OSBP2: variants seen among roughly 807,000 people sequenced by gnomAD.
OSBP2 encodes the protein oxysterol binding protein 2.
OSBP2 carries 66 observed loss-of-function variants against 96.0 expected under a neutral mutation model. That is an observed-to-expected ratio of 0.69 (90% CI 0.56 to 0.84). The LOEUF is 0.84. Ranked by LOEUF, OSBP2 falls within the 40% of genes least tolerant of loss-of-function variation. The pLI is 0.00. For missense variants in OSBP2, 1,038 were observed against 1,222.7 expected, an observed-to-expected ratio of 0.85 and a Z score of 2.25; for synonymous variants, 525 against 520.9, an observed-to-expected ratio of 1.01 and a Z score of -0.11.
At chr22:30,843,651 C>G (rs914202805) in intron 2 of OSBP2, among the ~76,000 whole-genome samples, 2 of 152,040 alleles carry the variant, frequency 1.3e-5, no homozygotes, top group African/African-American at 4.8e-5. Context: ...ATCACTTGAG[C>G]TCAGGAGTTT....
At chr22:30,904,228 C>T (rs2040279888) in intron 12 of OSBP2, among the ~76,000 whole-genome samples, 1 of 152,218 alleles carries the variant, frequency 6.6e-6, no homozygotes, top group Non-Finnish European at 1.5e-5. Context: ...CAGCTGTCAT[C>T]CTTGGCTTCT....
chr22:30,748,923 G>A (rs1246245126), intron 2 of OSBP2, among the ~76,000 whole-genome samples: 5 of 152,158 alleles, frequency 3.3e-5, no homozygotes, highest in African/African-American at 9.7e-5. Flanking sequence ...CGAGATCAGC[G>A]TGGCCAACAT....
chr22:30,840,305 TA>T (rs71202016), intron 2 of OSBP2, among the ~76,000 whole-genome samples: 34,122 of 140,700 alleles, frequency 0.24, 4,174 homozygotes, highest in East Asian at 0.39. Flanking sequence ...ATAAACCTGT[TA>T]AAAAAAAAAA....
rs538272578 is a variant in OSBP2, at chr22:30,903,295, G to T, written c.2376-2542G>T. 2.5e-4 allele frequency among the ~76,000 whole-genome samples: 38 copies of T among 152,342 alleles called. 1 individual carries two copies. In the South Asian group the frequency reaches 7.7e-3, roughly 31 times the overall value. Reference sequence around the variant, plus strand: ...TCACTGACAGACTGAACTGCACCTTGTTGGTATTCAGCTGTGATGGACATA... The same window carrying T: ...TCACTGACAGACTGAACTGCACCTTTTTGGTATTCAGCTGTGATGGACATA... On this transcript the variant is annotated intron_variant, in intron 12 of 13. Coordinates refer to ENST00000332585, the MANE Select transcript of OSBP2 (RefSeq NM_030758.4).
chr22:30,820,405 T>A (rs1018803472), intron 2 of OSBP2, among the ~76,000 whole-genome samples: 3 of 151,676 alleles, frequency 2.0e-5, no homozygotes, highest in East Asian at 3.9e-4. Context: ...AAAAATAAAA[T>A]TTTAAAAATA....
At chr22:30,899,312 A>G (rs2040140345) in intron 12 of OSBP2, among the ~76,000 whole-genome samples, 1 of 151,610 alleles carries the variant, frequency 6.6e-6, no homozygotes, top group East Asian at 1.9e-4. Context: ...AGGCTGAGGC[A>G]GGAAGGTTAC....
Position 30,890,973 on chromosome 22 carries a change from G to A in OSBP2, c.1869G>A (p.Gln623=). The change falls in exon 8 of 14, where the codon CAG becomes CAA. Residue 623 remains glutamine, a splice_region_variant and synonymous_variant. Transcript: ENST00000332585. The surrounding 1 kb of genome is among the most constrained non-coding windows in gnomAD (Gnocchi z 4.4). ...DDMGLRSLCE[Q]VSHHPPSAAH... ...TGGGCCTGCGCTCCCTCTGTGAGCA[G>A]GTGAGGGGGCTAGGCTGGCACTGGG... 1.2e-6 allele frequency: 2 copies of A among 1,605,634 alleles called. No homozygotes were observed. Among genetic ancestry groups the A allele is most frequent in the Non-Finnish European group, 1.7e-6 (2 of 1,179,620 alleles).
intron 4 of OSBP2, among the ~76,000 whole-genome samples, 199 bp from the exon 5 acceptor site, chr22:30,888,024 G>A (rs936191643): frequency 1.3e-5 from 2 of 152,190 alleles, no homozygotes; most frequent in African/African-American, 4.8e-5. Flanking sequence ...CTCCTGTGCG[G>A]TGAATGCGTT....
intron 1 of OSBP2, among the ~76,000 whole-genome samples, chr22:30,726,183 G>C (rs1204276555): frequency 6.6e-6 from 1 of 152,172 alleles, no homozygotes; most frequent in Non-Finnish European, 1.5e-5. Flanking sequence ...TCCTATGTCT[G>C]TGTAAAAATG....
chr22:30,789,140 C>G (rs1685528852), intron 2 of OSBP2, among the ~76,000 whole-genome samples: 1 of 152,140 alleles, frequency 6.6e-6, no homozygotes, highest in Admixed American at 6.5e-5. Flanking sequence ...GAGACCATGT[C>G]CCTGCAGGAA....
At chr22:30,801,994 T>C (rs1313245423) in intron 2 of OSBP2, among the ~76,000 whole-genome samples, 1 of 151,874 alleles carries the variant, frequency 6.6e-6, no homozygotes, top group Non-Finnish European at 1.5e-5. Context: ...ATAGAATGAA[T>C]GAATGAATGA....
intron 2 of OSBP2, among the ~76,000 whole-genome samples, chr22:30,781,429 C>T (rs2145808425): frequency 6.6e-6 from 1 of 152,268 alleles, no homozygotes; most frequent in South Asian, 2.1e-4. Flanking sequence ...TAGTTAATGC[C>T]CTGGTTCATG....
intron 2 of OSBP2, among the ~76,000 whole-genome samples, chr22:30,751,331 G>GTA (rs1399144424): frequency 3.3e-5 from 5 of 151,228 alleles, no homozygotes; most frequent in South Asian, 2.1e-4. Flanking sequence ...GTGTGTGTGT[G>GTA]TATATATATA....
At chr22:30,811,531 T>A (rs5753327) in intron 2 of OSBP2, among the ~76,000 whole-genome samples, 24,114 of 151,198 alleles carry the variant, frequency 0.16, 2,042 homozygotes, top group East Asian at 0.21. Context: ...AATTTATTTT[T>A]AATTTATATT....
chr22:30,695,375 G>C lies in OSBP2; in HGVS notation c.466G>C (p.Gly156Arg), dbSNP rs2145656333. The C allele has an allele frequency of 6.2e-7, 1 of 1,613,828 alleles. No individual in the cohort carries two copies. Among genetic ancestry groups the C allele is most frequent in the Non-Finnish European group, 8.5e-7 (1 of 1,180,036 alleles). Residue 156 changes from glycine to arginine, a missense_variant, in exon 1 of 14, where the codon GGA (glycine) becomes CGA (arginine). Gly to Arg is a moderately radical substitution (Grantham distance 125). Transcript: ENST00000332585. ...AAAGCCCCTGCCTCTTCTGCGACCA[G>C]GACAGGCGAAGACTCCTCTTGGGGT... ...ALKPLPLLRP[G>R]QAKTPLGVPM...
At chr22:30,810,595 G>C (rs1374346080) in intron 2 of OSBP2, among the ~76,000 whole-genome samples, 1 of 152,158 alleles carries the variant, frequency 6.6e-6, no homozygotes, top group African/African-American at 2.4e-5. Flanking sequence ...AGGGTGAGGT[G>C]AGGCCTGCAG....
intron 2 of OSBP2, among the ~76,000 whole-genome samples, chr22:30,869,326 G>A (rs930051548): frequency 1.5e-4 from 23 of 152,172 alleles, no homozygotes; most frequent in Admixed American, 7.9e-4. Context: ...TCAGAGCCTC[G>A]ATTTCCTCAT....
chr22:30,722,219 C>T (rs2089562938), intron 1 of OSBP2, among the ~76,000 whole-genome samples: 2 of 152,202 alleles, frequency 1.3e-5, no homozygotes, highest in South Asian at 2.1e-4. Context: ...TCATTCAGTG[C>T]TGCTGTTTGT....
Position 30,870,294 on chromosome 22 carries a change from A to G in OSBP2, c.854-135A>G. ...CAGGCACCTCACCCCGGCCAGGAAC[A>G]GGAACGGGCACCATCTCGGGGACTG... On this transcript the variant is annotated intron_variant, in intron 2 of 13. Transcript: ENST00000332585. This position sits in a 1 kb window ranked among gnomAD's most constrained non-coding sequence, Gnocchi z 4.1. 1 of 928,772 alleles carries G rather than the reference A, an allele frequency of 1.1e-6. No individual in the cohort carries two copies. The highest frequency in any genetic ancestry group is 1.6e-6 in the Non-Finnish European group (1 of 621,720). 57.5% of individuals were successfully genotyped at this position (928,772 alleles called of 1,614,324 possible).
Sources: gnomAD v4.1 joint callset for allele counts (sites outside exome capture counted in the v4.1 genomes callset) on GRCh38, gnomAD v4.1.1 for gene constraint, Gnocchi (gnomAD v3.1) non-coding constraint, MANE v1.5 for transcripts, NCBI Gene and HGNC (gene_info 2026-07-23, HGNC 2026-07-21) for gene names.